The following LRRC40 variants were observed in gnomAD, a reference collection of about 807,000 sequenced individuals.
The protein encoded by LRRC40 is leucine-rich repeat-containing protein 40.
Under a neutral mutation model 72.8 loss-of-function variants are expected in LRRC40, and 76 were observed. The ratio of observed to expected loss-of-function variants is 1.04; its 90% CI spans 0.87 to 1.26. The LOEUF is 1.26. Among genes scored for constraint, LRRC40 ranks in the 50% most tolerant of loss-of-function variants. The pLI is 0.00. For synonymous variants in LRRC40, 243 were observed against 254.2 expected (o/e 0.96, Z 0.42); for missense variants, 684 against 698.9 (o/e 0.98, Z 0.24).
At chr1:70,174,448 T>G (rs1290048923) in intron 7 of LRRC40, among the ~76,000 whole-genome samples, 1 of 152,112 alleles carries the variant, frequency 6.6e-6, no homozygotes, top group African/African-American at 2.4e-5. Flanking sequence ...ACACGTTTAC[T>G]CAGGAGAAAT....
rs1667256935 is a variant in LRRC40 at position 70,145,276 on chromosome 1, A to G, written c.*524T>C. ...ATGTGGCCCAAGATAAGAAGGTCTT[A>G]TTTTTTAAATGCCAAAGAACAGTAT... On this transcript the variant is annotated 3_prime_UTR_variant, in exon 15 of 15. Transcript: ENST00000370952. 3 of 152,046 alleles carry G rather than the reference A, an allele frequency of 2.0e-5. No individual in the cohort carries two copies. The highest frequency in any genetic ancestry group is 7.2e-5 in the African/African-American group (3 of 41,432). 9.4% of individuals were successfully genotyped at this position (152,046 alleles called of 1,614,324 possible).
At chr1:70,159,731 C>A (rs1287783146) in intron 9 of LRRC40, among the ~76,000 whole-genome samples, 2 of 152,066 alleles carry the variant, frequency 1.3e-5, no homozygotes, top group African/African-American at 4.8e-5. Context: ...TAAGAAGAAA[C>A]AAATAACAAG....
At chr1:70,187,952 CATT>C (rs964870635) in intron 2 of LRRC40, among the ~76,000 whole-genome samples, 6 of 151,734 alleles carry the variant, frequency 4.0e-5, no homozygotes, top group African/African-American at 1.5e-4. Context: ...AATTTCAACT[CATT>C]AGTAGAGTTT....
chr1:70,195,721 C>A (rs1313059472), intron 1 of LRRC40, among the ~76,000 whole-genome samples: 1 of 152,176 alleles, frequency 6.6e-6, no homozygotes, highest in Non-Finnish European at 1.5e-5. Context: ...GCAACCTCCG[C>A]CTCCCGGGTT....
intron 1 of LRRC40, among the ~76,000 whole-genome samples, chr1:70,190,430 C>A (rs1027224465): frequency 6.6e-6 from 1 of 151,696 alleles, no homozygotes; most frequent in African/African-American, 2.4e-5. Flanking sequence ...GCTATAATCC[C>A]TGCACTTTGG....
intron 11 of LRRC40, 128 bp from the exon 12 acceptor site, chr1:70,152,671 C>T: frequency 1.6e-6 from 1 of 636,990 alleles, no homozygotes; most frequent in South Asian, 1.9e-5. Context: ...GTACCTTTTA[C>T]TTTTTCACAG....
chr1:70,197,407 A>T (rs1336633265), intron 1 of LRRC40, among the ~76,000 whole-genome samples: 1 of 151,810 alleles, frequency 6.6e-6, no homozygotes, highest in Non-Finnish European at 1.5e-5. Flanking sequence ...TCTTCCAAGT[A>T]GCTAGAACTA....
chr1:70,185,720 C>G (rs1375760646), intron 3 of LRRC40, among the ~76,000 whole-genome samples: 1 of 152,106 alleles, frequency 6.6e-6, no homozygotes, highest in African/African-American at 2.4e-5. Flanking sequence ...GTTTGAGGAC[C>G]TAGGATGTCA....
rs1667250045 is a variant in LRRC40, at chr1:70,145,041, T to C, written c.*759A>G. On this transcript the variant is annotated 3_prime_UTR_variant, in exon 15 of 15. Transcript: ENST00000370952. Reference sequence around the variant, plus strand: ...AACAAAAATGATATTTAATTTTTATTAAATCAAGTTTACCTATCAAATTCC... The same window carrying C: ...AACAAAAATGATATTTAATTTTTATCAAATCAAGTTTACCTATCAAATTCC... 1.4e-5 allele frequency: 2 copies of C among 145,294 alleles called. No homozygotes were observed. The highest frequency in any genetic ancestry group is 6.9e-5 in the Admixed American group (1 of 14,500). 9.0% of individuals were successfully genotyped at this position (145,294 alleles called of 1,614,324 possible).
chr1:70,197,281 TTTTTA>T (rs947506881), intron 1 of LRRC40, among the ~76,000 whole-genome samples: 12 of 152,178 alleles, frequency 7.9e-5, no homozygotes, highest in African/African-American at 1.7e-4. Context: ...TAGATGTATT[TTTTTA>T]TTTTATTTTA....
intron 14 of LRRC40, chr1:70,146,934 A>C (rs780362146): frequency 6.6e-6 from 1 of 152,184 alleles, no homozygotes; most frequent in Non-Finnish European, 1.5e-5. Context: ...AACAAAAATC[A>C]AAGGACTCAA....
At chr1:70,179,631 T>C (rs1276097338) in intron 5 of LRRC40, among the ~76,000 whole-genome samples, 1 of 152,116 alleles carries the variant, frequency 6.6e-6, no homozygotes, top group Non-Finnish European at 1.5e-5. Flanking sequence ...ATTAGAAAAA[T>C]TACTATAAAC....
chr1:70,191,538 G>C (rs1392291292), intron 1 of LRRC40, among the ~76,000 whole-genome samples: 1 of 152,048 alleles, frequency 6.6e-6, no homozygotes, highest in Non-Finnish European at 1.5e-5. Context: ...TGTTGATACT[G>C]TACTATTATT....
chr1:70,166,419 G>C (rs931061940), intron 9 of LRRC40, among the ~76,000 whole-genome samples: 1 of 152,114 alleles, frequency 6.6e-6, no homozygotes, highest in East Asian at 1.9e-4. Context: ...CCAACACTTT[G>C]GGAGGTGAGG....
intron 7 of LRRC40, among the ~76,000 whole-genome samples, chr1:70,174,383 G>T (rs528593889): frequency 6.6e-6 from 1 of 152,048 alleles, no homozygotes; most frequent in Non-Finnish European, 1.5e-5. Context: ...AGTCACTTTC[G>T]AAAGTGGAGT....
chr1:70,205,488 G>T lies in LRRC40; in HGVS notation c.53C>A (p.Ala18Glu), dbSNP rs1450384009. Residue 18 changes from alanine to glutamate, a missense_variant, in exon 1 of 15, where the codon GCA (alanine) becomes GAA (glutamate). Physicochemically the swap from Ala to Glu is moderately radical, Grantham distance 107. Transcript: ENST00000370952. ...CGAGGTACCGCAGTCTCTTCCACCTGCTTTGAAACCAGCGCGGAGATCCTG... is the reference window on the plus strand; with the variant it reads ...CGAGGTACCGCAGTCTCTTCCACCTTCTTTGAAACCAGCGCGGAGATCCTG... ...AGQDLRAGFK[A>E]GGRDCGTSVP... 6.2e-7 allele frequency: 1 copy of T among 1,607,388 alleles called. No individual in the cohort carries two copies. Among genetic ancestry groups the T allele is most frequent in the Non-Finnish European group, 8.5e-7 (1 of 1,174,678 alleles).
At chr1:70,173,223 C>T (rs1668034838) in intron 9 of LRRC40, among the ~76,000 whole-genome samples, 1 of 151,830 alleles carries the variant, frequency 6.6e-6, no homozygotes, top group Non-Finnish European at 1.5e-5. Flanking sequence ...GTTAAATTTC[C>T]TAATTGGCAG....
chr1:70,179,897 C>T (rs550407666), intron 5 of LRRC40, among the ~76,000 whole-genome samples: 3 of 152,190 alleles, frequency 2.0e-5, no homozygotes, highest in South Asian at 4.1e-4. Context: ...TATTTTAAAA[C>T]TCCAATTTTA....
At position 70,184,782 on chromosome 1, in the gene LRRC40, T is replaced by C. The variant is rs774341021; in HGVS notation, c.537+3A>G. 1 of 1,598,242 alleles carries C rather than the reference T, an allele frequency of 6.3e-7. No homozygotes were observed. Among genetic ancestry groups the C allele is most frequent in the Non-Finnish European group, 8.5e-7 (1 of 1,175,680 alleles). On this transcript the variant is annotated splice_donor_region_variant and intron_variant, in intron 4 of 14. Coordinates refer to ENST00000370952, the MANE Select transcript of LRRC40 (RefSeq NM_017768.5). ...GTACAAAAATTGGAAAATCAGAACT[T>C]ACTAAATCTTCTAAATTGGAAAGTT...
Sources: gnomAD v4.1 joint callset for allele counts (sites outside exome capture counted in the v4.1 genomes callset) on GRCh38, gnomAD v4.1.1 for gene constraint, MANE v1.5 for transcripts, NCBI Gene and HGNC (gene_info 2026-07-23, HGNC 2026-07-21) for gene names.